STAU1: variants seen among roughly 807,000 people sequenced by gnomAD.
STAU1 encodes the protein double-stranded RNA-binding protein Staufen homolog 1.
A neutral mutation model predicts 62.9 loss-of-function variants in STAU1; 13 were observed. The observed-to-expected ratio is 0.21, with a 90% confidence interval of 0.13 to 0.33. The LOEUF is 0.33. Ranked by LOEUF, STAU1 falls within the 10% of genes least tolerant of loss-of-function variation. The probability of loss-of-function intolerance (pLI) is 1.00; values close to 1 mark genes in which losing one functional copy is unlikely to be tolerated. For synonymous variants in STAU1, 269 were observed against 265.1 expected (o/e 1.01, Z -0.14); for missense variants, 571 against 712.1 (o/e 0.80, Z 2.25).
At chr20:49,142,193 T>C (rs2093023503) in intron 5 of STAU1, among the ~76,000 whole-genome samples, 4 of 152,114 alleles carry the variant, frequency 2.6e-5, no homozygotes. Flanking sequence ...TTCCAGTGAT[T>C]CTCCTGCCTC....
chr20:49,181,906 T>A (rs1298390622), intron 1 of STAU1, among the ~76,000 whole-genome samples: 1 of 151,592 alleles, frequency 6.6e-6, no homozygotes, highest in African/African-American at 2.4e-5. Context: ...CTGGGAGACA[T>A]GACACAAAAT....
At chr20:49,204,618 A>G in the STAU1 span, among the ~76,000 whole-genome samples, 184 of 45,554 alleles carry the variant, frequency 4.0e-3, 1 homozygote, top group African/African-American at 0.012. Flanking sequence ...ATATATATAT[A>G]TATATGTGTA....
chr20:49,130,508 T>C (rs1446834112), intron 6 of STAU1, among the ~76,000 whole-genome samples: 1 of 152,102 alleles, frequency 6.6e-6, no homozygotes, highest in Non-Finnish European at 1.5e-5. Flanking sequence ...GATGGGGGCA[T>C]GTTAAAGGGC....
rs1267920143 is a variant in STAU1, at chr20:49,151,255, T to A, written c.510+327A>T. Among the ~76,000 whole-genome samples the A allele has an allele frequency of 2.0e-5, 3 of 152,136 alleles. No homozygotes were observed. The South Asian group carries it at 6.2e-4, about 31-fold the overall frequency. ...TCACAGTAGATTCTGGCAAGCATAA[T>A]CTTGAGCACCGAAGACTTCATCCAT... On this transcript the variant is annotated intron_variant, in intron 5 of 13. Transcript: ENST00000371856.
chr20:49,219,010 C>A, the STAU1 span, among the ~76,000 whole-genome samples: 3 of 126,350 alleles, frequency 2.4e-5, no homozygotes, highest in Middle Eastern at 3.7e-3. Flanking sequence ...CCAAACCCTG[C>A]CTCAAAAAAA....
chr20:49,125,198 CAA>C (rs1171534142), intron 6 of STAU1, among the ~76,000 whole-genome samples: 443 of 33,712 alleles, frequency 0.013, 7 homozygotes, highest in African/African-American at 0.031. Flanking sequence ...CTCATTTTTG[CAA>C]AAAAAAAAAA....
chr20:49,141,410 G>A (rs1179269168), intron 5 of STAU1, among the ~76,000 whole-genome samples: 1 of 152,158 alleles, frequency 6.6e-6, no homozygotes, highest in Non-Finnish European at 1.5e-5. Context: ...GCAACAAAGT[G>A]AGACCTTAAT....
At chr20:49,137,499 C>T (rs2092912820) in intron 5 of STAU1, among the ~76,000 whole-genome samples, 1 of 152,174 alleles carries the variant, frequency 6.6e-6, no homozygotes. Flanking sequence ...TTTTTCTTCA[C>T]ATTATTGCTT....
intron 3 of STAU1, among the ~76,000 whole-genome samples, chr20:49,157,356 C>T (rs1323425275): frequency 6.6e-6 from 1 of 152,076 alleles, no homozygotes; most frequent in Non-Finnish European, 1.5e-5. Context: ...TCTTGCTCTG[C>T]TGTCCAGGCT....
chr20:49,147,273 C>T (rs1325258287), intron 5 of STAU1, among the ~76,000 whole-genome samples: 1 of 152,206 alleles, frequency 6.6e-6, no homozygotes, highest in Non-Finnish European at 1.5e-5. Flanking sequence ...CTCCATTTGA[C>T]TAAGTTCACA....
chr20:49,144,482 G>A (rs147573967), intron 5 of STAU1, among the ~76,000 whole-genome samples: 149 of 152,294 alleles, frequency 9.8e-4, no homozygotes, highest in Admixed American at 2.9e-3. Flanking sequence ...CACAGTCTGC[G>A]ATTTTGCTTA....
chr20:49,154,081 A>G lies in STAU1; in HGVS notation c.206-10T>C. On this transcript the variant is annotated splice_polypyrimidine_tract_variant and intron_variant, in intron 3 of 13. Coordinates refer to ENST00000371856, the MANE Select transcript of STAU1 (RefSeq NM_017453.4). ...GTAGGGGTTATGCTTTCTGCAAGAA[A>G]GAATCGACAAAGAACTGTTTTTTTC... 1 of 1,589,356 alleles carries G rather than the reference A, an allele frequency of 6.3e-7. No homozygotes were observed. Among genetic ancestry groups the G allele is most frequent in the East Asian group, 2.2e-5 (1 of 44,686 alleles).
chr20:49,185,161 T>C (rs2093772473), intron 1 of STAU1, among the ~76,000 whole-genome samples: 1 of 152,238 alleles, frequency 6.6e-6, no homozygotes. Context: ...TTTTGCTTAA[T>C]TCTTAACCTA....
intron 5 of STAU1, among the ~76,000 whole-genome samples, chr20:49,143,933 T>C (rs2093066295): frequency 2.0e-5 from 3 of 152,208 alleles, no homozygotes; most frequent in Admixed American, 6.5e-5. Context: ...AGCCCACCTG[T>C]AGCGATGTCA....
intron 2 of STAU1, among the ~76,000 whole-genome samples, chr20:49,169,759 T>C (rs886683637): frequency 6.6e-6 from 1 of 152,198 alleles, no homozygotes; most frequent in African/African-American, 2.4e-5. Flanking sequence ...TGAGGACCTT[T>C]CATCTCCTGG....
intron 1 of STAU1, among the ~76,000 whole-genome samples, chr20:49,184,620 C>A (rs2426143): frequency 0.86 from 130,316 of 152,246 alleles, 56,251 homozygotes; most frequent in African/African-American, 0.94. Context: ...TGGCTGAAAC[C>A]TAAAAGAGAG....
intron 6 of STAU1, among the ~76,000 whole-genome samples, chr20:49,132,252 G>A (rs995484521): frequency 1.3e-5 from 2 of 152,174 alleles, no homozygotes; most frequent in African/African-American, 4.8e-5. Context: ...GACTTTGGAG[G>A]GACAGGTCAG....
At chr20:49,199,635 C>A in the STAU1 span, among the ~76,000 whole-genome samples, 1 of 150,582 alleles carries the variant, frequency 6.6e-6, no homozygotes, top group Non-Finnish European at 1.5e-5. Context: ...TGCAGTGGTG[C>A]GATCTTGGCT....
the STAU1 span, among the ~76,000 whole-genome samples, chr20:49,216,570 T>A: frequency 6.6e-6 from 1 of 151,452 alleles, no homozygotes; most frequent in Admixed American, 6.6e-5. Flanking sequence ...ACTCTCAAAA[T>A]AAAAAAAATG....
Sources: allele counts gnomAD v4.1 joint callset (sites outside exome capture counted in the v4.1 genomes callset), GRCh38; gene constraint gnomAD v4.1.1; transcripts MANE v1.5; gene names NCBI Gene and HGNC (gene_info 2026-07-23, HGNC 2026-07-21).